The following PHF20 variants were observed in gnomAD, a reference collection of about 807,000 sequenced individuals.
The protein encoded by PHF20 is glioma-expressed antigen 2.
PHF20 carries 23 observed loss-of-function variants against 113.5 expected under a neutral mutation model. The observed-to-expected ratio is 0.20, with a 90% CI of 0.15 to 0.29. The LOEUF is 0.29. Among genes scored for constraint, PHF20 ranks in the 10% least tolerant of loss-of-function variants. The probability of loss-of-function intolerance (pLI) is 1.00; values close to 1 mark genes in which losing one functional copy is unlikely to be tolerated. For missense variants in PHF20, 943 were observed against 1,219.6 expected, an observed-to-expected ratio of 0.77 and a Z score of 3.38; for synonymous variants, 434 against 457.3, an observed-to-expected ratio of 0.95 and a Z score of 0.65.
chr20:35,917,347 G>A, intron 12 of PHF20, 137 bp from the exon 13 acceptor site: 2 of 801,050 alleles, frequency 2.5e-6, no homozygotes, highest in South Asian at 2.9e-5. Flanking sequence ...GGACAGATTG[G>A]CATCCTCGTT....
rs920187713 is a variant in PHF20, at chr20:35,900,395, C to T, written c.1561+747C>T. Among the ~76,000 whole-genome samples the T allele has an allele frequency of 3.9e-5, 6 of 152,258 alleles. No individual in the cohort carries two copies. The South Asian group carries it at 1.2e-3, about 32-fold the overall frequency. On this transcript the variant is annotated intron_variant, in intron 10 of 17. Transcript: ENST00000374012. ...TAAATGGTATATGGAACTCCTAGGA[C>T]ATCTGGCAGTGTTCCCAGTAGAGTA...
intron 1 of PHF20, among the ~76,000 whole-genome samples, chr20:35,793,621 G>A (rs193183129): frequency 4.6e-5 from 7 of 151,774 alleles, no homozygotes; most frequent in African/African-American, 1.2e-4. Context: ...TCTAACAGCC[G>A]TATCTAAAAT....
chr20:35,823,068 A>G (rs2425155), intron 2 of PHF20, among the ~76,000 whole-genome samples: 2,935 of 152,098 alleles, frequency 0.019, 101 homozygotes, highest in African/African-American at 0.068. Flanking sequence ...TGTATAATGT[A>G]TATGTGTATG....
At chr20:35,847,321 G>T in intron 3 of PHF20, 29 bp from the exon 4 acceptor site, 1 of 1,319,704 alleles carries the variant, frequency 7.6e-7, no homozygotes, top group Non-Finnish European at 1.1e-6. Flanking sequence ...TTGGTAACAG[G>T]ATCTTTTTTT....
At position 35,814,063 on chromosome 20, in the gene PHF20, T is replaced by C. The variant is rs141239841; in HGVS notation, c.83+12458T>C. Among the ~76,000 whole-genome samples, 12 of 149,506 alleles carry C rather than the reference T, an allele frequency of 8.0e-5. 1 individual carries two copies. The East Asian group carries it at 2.2e-3, about 27-fold the overall frequency. On this transcript the variant is annotated intron_variant, in intron 2 of 17. Coordinates refer to ENST00000374012, the MANE Select transcript of PHF20 (RefSeq NM_016436.5). Reference sequence around the variant, plus strand: ...TAAATAAAATAAATAAATAAATAAATAAAATAAAACATTGGTTTTTAAAAA... The same window carrying C: ...TAAATAAAATAAATAAATAAATAAACAAAATAAAACATTGGTTTTTAAAAA...
chr20:35,777,530 G>A (rs1263452111), intron 1 of PHF20, among the ~76,000 whole-genome samples: 1 of 152,180 alleles, frequency 6.6e-6, no homozygotes, highest in Non-Finnish European at 1.5e-5. Context: ...AATTACTCGT[G>A]GTTGGGTGGG....
At chr20:35,805,351 TTTTTTATTATTATTATTA>T (rs1336418688) in intron 2 of PHF20, among the ~76,000 whole-genome samples, 2 of 127,968 alleles carry the variant, frequency 1.6e-5, no homozygotes, top group African/African-American at 3.0e-5. Context: ...CCACGCCTGA[TTTTTTATTATTATTATTA>T]TTATTATTAT....
intron 10 of PHF20, among the ~76,000 whole-genome samples, chr20:35,900,425 A>G (rs980278309): frequency 1.3e-5 from 2 of 152,202 alleles, no homozygotes; most frequent in East Asian, 1.9e-4. Flanking sequence ...AGAGTATACA[A>G]TCAGGTTTCA....
At chr20:35,919,882 G>C (rs1188263347) in intron 13 of PHF20, among the ~76,000 whole-genome samples, 1 of 152,166 alleles carries the variant, frequency 6.6e-6, no homozygotes, top group African/African-American at 2.4e-5. Context: ...GAATTCCTCT[G>C]CTGGTCTTCC....
At chr20:35,834,225 G>C (rs534163930) in intron 2 of PHF20, among the ~76,000 whole-genome samples, 1 of 150,948 alleles carries the variant, frequency 6.6e-6, no homozygotes, top group African/African-American at 2.4e-5. Context: ...ATATAGGCAG[G>C]CTGGTTCATT....
chr20:35,913,770 T>A (rs1005192908), intron 11 of PHF20, among the ~76,000 whole-genome samples: 6 of 152,228 alleles, frequency 3.9e-5, no homozygotes, highest in Non-Finnish European at 8.8e-5. Context: ...ATATTCTGAC[T>A]TGGGACTTAA....
intron 12 of PHF20, among the ~76,000 whole-genome samples, chr20:35,914,979 A>AC (rs941121275): frequency 2.0e-5 from 3 of 148,828 alleles, no homozygotes; most frequent in Admixed American, 1.4e-4. Flanking sequence ...AAAAAAAAAA[A>AC]CAGTAAAATA....
chr20:35,824,499 C>A (rs1271258658), intron 2 of PHF20, among the ~76,000 whole-genome samples: 1 of 151,438 alleles, frequency 6.6e-6, no homozygotes, highest in Non-Finnish European at 1.5e-5. Context: ...CCCAGCTACT[C>A]GGGAGGCTGA....
intron 1 of PHF20, among the ~76,000 whole-genome samples, chr20:35,800,380 A>G (rs1287573199): frequency 1.3e-5 from 2 of 151,628 alleles, no homozygotes; most frequent in African/African-American, 2.4e-5. Context: ...AGCCGAGATC[A>G]TGCCATTGCA....
chr20:35,793,486 G>T (rs1040462926), intron 1 of PHF20, among the ~76,000 whole-genome samples: 1 of 150,908 alleles, frequency 6.6e-6, no homozygotes, highest in Non-Finnish European at 1.5e-5. Flanking sequence ...TTTTAGTAGA[G>T]ACGGGGTTTC....
rs79505322 is a variant in PHF20, at chr20:35,790,170, C to T, written c.-32-11321C>T. Among the ~76,000 whole-genome samples the T allele has an allele frequency of 2.6e-3, 394 of 151,588 alleles. 10 individuals carry two copies. The East Asian group carries it at 0.072, about 28-fold the overall frequency. On this transcript the variant is annotated intron_variant, in intron 1 of 17. Coordinates refer to ENST00000374012, the MANE Select transcript of PHF20 (RefSeq NM_016436.5). ...CCATGCCCAGCAAGAACAGTAGTAA[C>T]CCTGCAAGCTTATTGTGTGCCAGGC...
rs1191851864 is a variant in PHF20 at position 35,858,339 on chromosome 20, G to T, written c.378G>T (p.Gln126His). 1 of 1,597,048 alleles carries T rather than the reference G, an allele frequency of 6.3e-7. No homozygotes were observed. The highest frequency in any genetic ancestry group is 1.3e-5 in the African/African-American group (1 of 74,626). Residue 126 changes from glutamine (Q) to histidine (H), a missense_variant, in exon 5 of 18, where the codon CAG becomes CAT. By Grantham distance (24) the Gln-to-His change is conservative. This residue lies in a region of PHF20 where 592 missense variants were observed against 787.2 expected (regional missense o/e 0.75). Coordinates refer to ENST00000374012, the MANE Select transcript of PHF20 (RefSeq NM_016436.5). The stretch of plus-strand genomic sequence containing the variant: ...TGAAATTTTATGATGGAGTAGTTCA[G>T]ACTGTCAAACATATTCATGTCAAAG... ...YTVKFYDGVV[Q>H]TVKHIHVKAF...
chr20:35,879,783 CAA>C (rs58553871), intron 9 of PHF20, among the ~76,000 whole-genome samples: 6,760 of 108,148 alleles, frequency 0.063, 210 homozygotes, highest in African/African-American at 0.12. Flanking sequence ...CCCATCTCTC[CAA>C]AAAAAAAAAA....
intron 10 of PHF20, among the ~76,000 whole-genome samples, chr20:35,910,745 C>T (rs1381956487): frequency 1.3e-5 from 2 of 151,978 alleles, no homozygotes; most frequent in African/African-American, 4.8e-5. Context: ...TCTCCTGCCT[C>T]AGCCTCCCAA....
Sources: gnomAD v4.1 joint callset for allele counts (sites outside exome capture counted in the v4.1 genomes callset) on GRCh38, gnomAD v4.1.1 for gene constraint, gnomAD v4.1.1 regional missense constraint, MANE v1.5 for transcripts, NCBI Gene and HGNC (gene_info 2026-07-23, HGNC 2026-07-21) for gene names.